The following NTM variants were observed in gnomAD, a reference collection of about 807,000 sequenced individuals.
NTM encodes neurotrimin, also known as IgLON family member 2.
Under a neutral mutation model 42.1 loss-of-function variants are expected in NTM, and 13 were observed. The ratio of observed to expected loss-of-function variants is 0.31; its 90% CI spans 0.20 to 0.49. NTM has a LOEUF of 0.49. NTM is among the 20% of genes least tolerant of loss of function. The probability of loss-of-function intolerance (pLI) is 0.99; values close to 1 mark genes in which losing one functional copy is unlikely to be tolerated. For missense variants in NTM, 373 were observed against 452.8 expected (o/e 0.82, Z 1.60); for synonymous variants, 187 against 179.2 (o/e 1.04, Z -0.35).
At chr11:131,667,139 C>T (rs2069207656) in intron 1 of NTM, among the ~76,000 whole-genome samples, 1 of 152,156 alleles carries the variant, frequency 6.6e-6, no homozygotes, top group Non-Finnish European at 1.5e-5. Context: ...CTGTGCCCTA[C>T]CTGGGATTCC....
intron 1 of NTM, chr11:131,796,041 G>A (rs1222013531): frequency 1.0e-6 from 1 of 985,284 alleles, no homozygotes; most frequent in Admixed American, 6.1e-5. Flanking sequence ...CATGTGCATC[G>A]AGGTGTAATG....
At chr11:131,383,223 G>T (rs1240655313) in intron 1 of NTM, among the ~76,000 whole-genome samples, 1 of 152,162 alleles carries the variant, frequency 6.6e-6, no homozygotes, top group Admixed American at 6.5e-5. Flanking sequence ...GCATGGCCAG[G>T]TGCTTACTTA....
intron 1 of NTM, among the ~76,000 whole-genome samples, chr11:131,747,634 A>T (rs1218320626): frequency 6.6e-6 from 1 of 152,180 alleles, no homozygotes. Context: ...GTGGGGCCAC[A>T]TGGACCATAG....
At chr11:131,750,780 G>A (rs551953910) in intron 1 of NTM, among the ~76,000 whole-genome samples, 114 of 152,276 alleles carry the variant, frequency 7.5e-4, no homozygotes, top group Admixed American at 1.6e-3. Context: ...ATGAGCCTGT[G>A]CTTCTCCTGT....
intron 2 of NTM, among the ~76,000 whole-genome samples, chr11:131,997,205 A>G (rs893971375): frequency 2.0e-5 from 3 of 152,158 alleles, no homozygotes; most frequent in Non-Finnish European, 4.4e-5. Context: ...GGGGCTTGAC[A>G]GCCAGAGTGG....
At chr11:131,482,247 A>G (rs1953682682) in intron 1 of NTM, among the ~76,000 whole-genome samples, 1 of 152,228 alleles carries the variant, frequency 6.6e-6, no homozygotes, top group South Asian at 2.1e-4. Context: ...CCCCCAGACA[A>G]TGTGTTCTGC....
chr11:131,563,519 G>C (rs1292469084), intron 1 of NTM, among the ~76,000 whole-genome samples: 2 of 151,356 alleles, frequency 1.3e-5, no homozygotes, highest in South Asian at 4.2e-4. Context: ...TAGCCTGGGC[G>C]GGCCAGGGCC....
At chr11:132,316,077 ACCCACAGCACTCCT>A (rs1448685141) in intron 7 of NTM, among the ~76,000 whole-genome samples, 1 of 151,386 alleles carries the variant, frequency 6.6e-6, no homozygotes, top group East Asian at 1.9e-4. Context: ...CCTGCTCTCC[ACCCACAGCACTCCT>A]CATCCTCACA....
At chr11:132,255,214 C>T (rs192918116) in intron 4 of NTM, among the ~76,000 whole-genome samples, 7 of 152,334 alleles carry the variant, frequency 4.6e-5, no homozygotes, top group African/African-American at 7.2e-5. Flanking sequence ...AGTCTGATCT[C>T]TTTCTACTCC....
intron 1 of NTM, among the ~76,000 whole-genome samples, chr11:131,709,471 G>A (rs1430456216): frequency 6.6e-6 from 1 of 152,202 alleles, no homozygotes; most frequent in Admixed American, 6.5e-5. Flanking sequence ...GAATGCAAAG[G>A]CAACAAGATT....
intron 1 of NTM, among the ~76,000 whole-genome samples, chr11:131,828,426 TCAC>T (rs534659960): frequency 1.6e-4 from 25 of 151,998 alleles, no homozygotes; most frequent in South Asian, 8.4e-4. Context: ...TTCACCATCA[TCAC>T]CACCACCACA....
At chr11:131,396,144 T>C (rs897361388) in intron 1 of NTM, among the ~76,000 whole-genome samples, 5 of 152,208 alleles carry the variant, frequency 3.3e-5, no homozygotes. Flanking sequence ...TCTTTCTTTC[T>C]ATCAAGAGAG....
At chr11:131,461,468 G>A (rs1460085187) in intron 1 of NTM, among the ~76,000 whole-genome samples, 2 of 152,164 alleles carry the variant, frequency 1.3e-5, no homozygotes, top group Non-Finnish European at 2.9e-5. Flanking sequence ...AGATGGGAGA[G>A]ACCTATGAAC....
At chr11:131,868,573 A>G (rs551204757) in intron 1 of NTM, among the ~76,000 whole-genome samples, 87 of 152,290 alleles carry the variant, frequency 5.7e-4, no homozygotes, top group Admixed American at 1.6e-3. Flanking sequence ...ACACCTTTCC[A>G]GCCTCACACT....
chr11:131,660,295 C>A, intron 1 of NTM: 1 of 355,084 alleles, frequency 2.8e-6, no homozygotes, highest in Non-Finnish European at 5.7e-6. Flanking sequence ...TCTGTAGAAG[C>A]AGGTCTGAAA....
intron 2 of NTM, among the ~76,000 whole-genome samples, chr11:132,092,024 C>G (rs1417721673): frequency 2.0e-5 from 3 of 152,224 alleles, no homozygotes; most frequent in African/African-American, 7.2e-5. Context: ...CTTCAATCCT[C>G]TTAAAGAAAA....
intron 1 of NTM, among the ~76,000 whole-genome samples, chr11:131,747,153 A>G (rs989233535): frequency 1.4e-4 from 21 of 152,254 alleles, no homozygotes; most frequent in African/African-American, 5.1e-4. Context: ...AAACTAAGGC[A>G]CAGATGGAAA....
chr11:131,730,356 GTTAGAGAT>G (rs971327124), intron 1 of NTM, among the ~76,000 whole-genome samples: 4 of 152,158 alleles, frequency 2.6e-5, no homozygotes, highest in Admixed American at 1.3e-4. Flanking sequence ...TAAGGCTGGG[GTTAGAGAT>G]TTTGTAGTAG....
chr11:131,578,047 T>C (rs1157104188), intron 1 of NTM, among the ~76,000 whole-genome samples: 1 of 152,216 alleles, frequency 6.6e-6, no homozygotes, highest in Non-Finnish European at 1.5e-5. Context: ...GGCAGGCTGC[T>C]AGGACACCTA....
Sources: allele counts gnomAD v4.1 joint callset (sites outside exome capture counted in the v4.1 genomes callset), GRCh38; gene constraint gnomAD v4.1.1; transcripts MANE v1.5; gene names NCBI Gene and HGNC (gene_info 2026-07-23, HGNC 2026-07-21).